ARHGEF3: variants seen among roughly 807,000 people sequenced by gnomAD.
ARHGEF3 encodes 59.8 kDA protein.
A neutral mutation model predicts 63.2 loss-of-function variants in ARHGEF3; 28 were observed. The observed-to-expected ratio is 0.44, with a 90% confidence interval of 0.33 to 0.61. ARHGEF3 has a LOEUF of 0.61. Among genes scored for constraint, ARHGEF3 ranks in the 20% least tolerant of loss-of-function variants. The pLI is 0.03. For missense variants in ARHGEF3, 533 were observed against 659.3 expected, an observed-to-expected ratio of 0.81 and a Z score of 2.10; for synonymous variants, 266 against 254.2, an observed-to-expected ratio of 1.05 and a Z score of -0.44.
In ARHGEF3 at chr3:56,907,384, C is replaced by T. The variant is rs561885228; in HGVS notation, c.130-25030G>A. Among the ~76,000 whole-genome samples the T allele has an allele frequency of 5.3e-5, 8 of 152,258 alleles. No individual in the cohort carries two copies. The East Asian group carries it at 1.5e-3, about 29-fold the overall frequency. ...ACATAGAAATAAATGCAGTTATTTG[C>T]TTATACACTGTTGGTGGGAGTGTAA... is the stretch of plus-strand genomic sequence containing the variant. On this transcript the variant is annotated intron_variant, in intron 3 of 12. Coordinates refer to the ARHGEF3 transcript ENST00000338458.
intron 3 of ARHGEF3, among the ~76,000 whole-genome samples, chr3:56,955,004 C>T (rs1699978652): frequency 6.6e-6 from 1 of 152,088 alleles, no homozygotes; most frequent in Admixed American, 6.6e-5. Flanking sequence ...AAGTCTGCTC[C>T]TCAGCCACCC....
At chr3:56,751,855 A>G (rs1004781962) in intron 4 of ARHGEF3, among the ~76,000 whole-genome samples, 4 of 152,192 alleles carry the variant, frequency 2.6e-5, no homozygotes, top group Admixed American at 6.5e-5. Flanking sequence ...GAACAAAGAG[A>G]GCAAAGGTGA....
At chr3:57,014,589 A>G (rs1235505523) in intron 2 of ARHGEF3, among the ~76,000 whole-genome samples, 1 of 152,248 alleles carries the variant, frequency 6.6e-6, no homozygotes, top group Non-Finnish European at 1.5e-5. Flanking sequence ...ATTTCTTTAT[A>G]GTTTTCTAAA....
intron 1 of ARHGEF3, among the ~76,000 whole-genome samples, chr3:57,050,728 T>C (rs973071503): frequency 7.9e-5 from 12 of 152,222 alleles, no homozygotes; most frequent in Admixed American, 2.0e-4. Context: ...TGGACAACTG[T>C]GGTCAGCTGT....
chr3:56,851,125 T>C (rs999202279), intron 4 of ARHGEF3, among the ~76,000 whole-genome samples: 2 of 152,092 alleles, frequency 1.3e-5, no homozygotes, highest in African/African-American at 4.8e-5. Context: ...GTGTCCCCCA[T>C]ATCCTCACTT....
At chr3:56,766,531 G>A (rs935028917) in intron 2 of ARHGEF3, among the ~76,000 whole-genome samples, 33 of 152,178 alleles carry the variant, frequency 2.2e-4, no homozygotes, top group Admixed American at 2.2e-3. Flanking sequence ...AGTCATAACG[G>A]TGATAATAAT....
chr3:56,788,239 T>A (rs577039481), intron 1 of ARHGEF3, among the ~76,000 whole-genome samples: 1 of 152,258 alleles, frequency 6.6e-6, no homozygotes, highest in South Asian at 2.1e-4. Flanking sequence ...GGGAGCCTAT[T>A]GGATGACCAC....
intron 1 of ARHGEF3, among the ~76,000 whole-genome samples, chr3:57,069,376 A>ACAC (rs1705749598): frequency 2.7e-5 from 4 of 146,356 alleles, no homozygotes; most frequent in Non-Finnish European, 3.0e-5. Flanking sequence ...CTGTCTCTCA[A>ACAC]ACACACACAC....
intron 2 of ARHGEF3, among the ~76,000 whole-genome samples, chr3:56,756,617 T>C (rs1462860727): frequency 6.9e-6 from 1 of 145,180 alleles, no homozygotes; most frequent in Admixed American, 7.2e-5. Context: ...TGGTGCGATC[T>C]CGGCTCACTG....
At chr3:56,924,360 C>T (rs916113997) in intron 3 of ARHGEF3, among the ~76,000 whole-genome samples, 27 of 152,174 alleles carry the variant, frequency 1.8e-4, no homozygotes, top group African/African-American at 5.8e-4. Context: ...TGAGGCCCAG[C>T]GACACTACGT....
intron 1 of ARHGEF3, chr3:57,060,820 C>T (rs1385775245): frequency 1.3e-4 from 20 of 150,196 alleles, no homozygotes; most frequent in Non-Finnish European, 2.1e-4. Flanking sequence ...ACCCCCACCC[C>T]GAAACACACA....
intron 2 of ARHGEF3, among the ~76,000 whole-genome samples, chr3:56,755,905 C>T (rs538023084): frequency 6.6e-5 from 10 of 152,358 alleles, no homozygotes; most frequent in South Asian, 2.1e-4. Context: ...CTGCTTGAGC[C>T]TCTGGATCCC....
rs150030698 is a variant in ARHGEF3, at chr3:56,761,204, C to T, written c.205-6053G>A. On this transcript the variant is annotated intron_variant, in intron 2 of 9. Transcript: ENST00000296315. ...GGCAGCAGCTGGTATGGTCTGGGGACAGCACATGGGTGATGGGCAGGTGTT... is the reference window on the plus strand; with the variant it reads ...GGCAGCAGCTGGTATGGTCTGGGGATAGCACATGGGTGATGGGCAGGTGTT... Among the ~76,000 whole-genome samples, 360 of 152,300 alleles carry T rather than the reference C, an allele frequency of 2.4e-3. 2 individuals carry two copies. Among genetic ancestry groups the T allele is most frequent in the African/African-American group, 8.3e-3 (345 of 41,572 alleles).
At chr3:56,896,066 T>C (rs1258192918) in intron 3 of ARHGEF3, among the ~76,000 whole-genome samples, 4 of 152,174 alleles carry the variant, frequency 2.6e-5, no homozygotes, top group African/African-American at 9.7e-5. Context: ...GGTGAGAGTA[T>C]ATTAGATTCC....
intron 7 of ARHGEF3, among the ~76,000 whole-genome samples, chr3:56,741,446 A>G (rs1174021914): frequency 3.5e-5 from 5 of 142,502 alleles, no homozygotes; most frequent in East Asian, 2.2e-4. Context: ...GGCCTCCCAA[A>G]GTGCTGGGAT....
chr3:57,063,077 A>G (rs1409899946), intron 1 of ARHGEF3, among the ~76,000 whole-genome samples: 1 of 152,250 alleles, frequency 6.6e-6, no homozygotes, highest in Non-Finnish European at 1.5e-5. Flanking sequence ...CACGATGACC[A>G]GGGAAGGCTG....
At chr3:56,927,716 G>A (rs1167668995) in intron 3 of ARHGEF3, among the ~76,000 whole-genome samples, 1 of 152,114 alleles carries the variant, frequency 6.6e-6, no homozygotes, top group African/African-American at 2.4e-5. Flanking sequence ...CCAGAGTCCA[G>A]GTGGTACCGC....
chr3:57,028,030 A>G (rs1473272046), intron 2 of ARHGEF3, among the ~76,000 whole-genome samples: 1 of 151,730 alleles, frequency 6.6e-6, no homozygotes, highest in African/African-American at 2.4e-5. Context: ...ATCATTAAAA[A>G]GTCAGGAAAC....
chr3:56,828,721 A>G (rs1310135023), intron 4 of ARHGEF3, among the ~76,000 whole-genome samples: 3 of 152,214 alleles, frequency 2.0e-5, no homozygotes, highest in African/African-American at 7.2e-5. Flanking sequence ...CTGGTCCAGC[A>G]GTAAAACCTG....
Sources: allele counts gnomAD v4.1 joint callset (sites outside exome capture counted in the v4.1 genomes callset), GRCh38; gene constraint gnomAD v4.1.1; transcripts MANE v1.5; gene names NCBI Gene and HGNC (gene_info 2026-07-23, HGNC 2026-07-21).